The following USP39 variants were observed in gnomAD, a reference collection of about 807,000 sequenced individuals.
The protein encoded by USP39 is ubiquitin specific peptidase 39.
USP39 carries 38 observed loss-of-function variants against 66.4 expected under a neutral mutation model. The observed-to-expected ratio is 0.57, with a 90% confidence interval of 0.44 to 0.75. The LOEUF (loss-of-function observed/expected upper bound fraction) is 0.75. Ranked by LOEUF, USP39 falls within the 30% of genes least tolerant of loss-of-function variation. The probability of loss-of-function intolerance (pLI) is 0.00; values close to 1 mark genes in which losing one functional copy is unlikely to be tolerated. For missense variants in USP39, 608 were observed against 714.4 expected, an observed-to-expected ratio of 0.85 and a Z score of 1.70; for synonymous variants, 303 against 274.6, an observed-to-expected ratio of 1.10 and a Z score of -1.02.
intron 2 of USP39, among the ~76,000 whole-genome samples, chr2:85,620,223 G>A (rs911464145): frequency 6.6e-6 from 1 of 151,096 alleles, no homozygotes; most frequent in African/African-American, 2.4e-5. Context: ...GCTCATGCCT[G>A]TAATCCCAGC....
intron 8 of USP39, 123 bp downstream of exon 8, chr2:85,637,559 C>T: frequency 9.9e-7 from 1 of 1,009,528 alleles, no homozygotes; most frequent in African/African-American, 1.6e-5. Flanking sequence ...AACAAAGCAC[C>T]TGCCTAGTGG....
At chr2:85,647,845 T>G (rs780034484) in intron 11 of USP39, 85 bp from the exon 12 acceptor site, 46 of 1,267,820 alleles carry the variant, frequency 3.6e-5, no homozygotes, top group Middle Eastern at 1.9e-4. Context: ...TCTTCTAATT[T>G]TTCTAGTCTT....
chr2:85,642,729 A>G (rs901911750), intron 10 of USP39, among the ~76,000 whole-genome samples: 15 of 152,314 alleles, frequency 9.8e-5, no homozygotes, highest in Admixed American at 7.8e-4. Context: ...CATTGTCCAT[A>G]CTTCTTGAAA....
chr2:85,644,809 C>T, intron 10 of USP39, 139 bp from the exon 11 acceptor site: 2 of 1,125,380 alleles, frequency 1.8e-6, no homozygotes, highest in Non-Finnish European at 2.5e-6. Flanking sequence ...GCACCTGGAC[C>T]TTCTTGACTC....
chr2:85,605,162 T>C (rs546227652), intron 1 of USP39, among the ~76,000 whole-genome samples: 52 of 152,194 alleles, frequency 3.4e-4, no homozygotes, highest in African/African-American at 1.2e-3. Flanking sequence ...AGATTTCCAG[T>C]GCTGACTCGG....
intron 5 of USP39, 83 bp from the exon 6 acceptor site, chr2:85,630,638 A>G: frequency 1.5e-6 from 2 of 1,356,616 alleles, no homozygotes; most frequent in Non-Finnish European, 2.1e-6. Context: ...CACAAATTCT[A>G]TTAGGAGAAC....
intron 3 of USP39, 86 bp downstream of exon 3, chr2:85,621,665 T>C (rs1674473241): frequency 9.9e-7 from 1 of 1,014,966 alleles, no homozygotes; most frequent in South Asian, 1.4e-5. Context: ...TTCTCAGGAA[T>C]CATATCTAAT....
intron 1 of USP39, among the ~76,000 whole-genome samples, chr2:85,604,021 T>A (rs1007672018): frequency 6.6e-6 from 1 of 152,292 alleles, no homozygotes. Context: ...ATCACCTGAA[T>A]GGTGCACAGG....
chr2:85,643,630 A>G (rs2104353320), intron 10 of USP39, among the ~76,000 whole-genome samples: 1 of 148,362 alleles, frequency 6.7e-6, no homozygotes, highest in South Asian at 2.1e-4. Context: ...GCTCACATGG[A>G]CTCAGGACTC....
intron 4 of USP39, 36 bp from the exon 5 acceptor site, chr2:85,625,503 C>T (rs1239940456): frequency 6.2e-7 from 1 of 1,610,606 alleles, no homozygotes; most frequent in Admixed American, 1.7e-5. Context: ...GTGAACTCAG[C>T]TCTTAAACAA....
intron 10 of USP39, 21 bp downstream of exon 10, chr2:85,641,139 C>T: frequency 1.2e-6 from 2 of 1,611,394 alleles, no homozygotes; most frequent in African/African-American, 2.7e-5. Context: ...TCCTGCCTCA[C>T]TTCTCTCACG....
At chr2:85,641,926 A>AAAAAG (rs1676261306) in intron 10 of USP39, among the ~76,000 whole-genome samples, 1 of 112,328 alleles carries the variant, frequency 8.9e-6, no homozygotes, top group African/African-American at 3.1e-5. Flanking sequence ...AAAAAAAAAA[A>AAAAAG]AAAGAAAGAA....
At chr2:85,609,603 C>T (rs766644750), upstream of USP39, 7 of 1,613,602 alleles carry the variant, frequency 4.3e-6, no homozygotes, top group East Asian at 1.1e-4. Flanking sequence ...GGATGAACCA[C>T]AGTAAGAAAG....
chr2:85,645,043 A>G lies in USP39; in HGVS notation c.1523A>G (p.Lys508Arg), dbSNP rs1426823789. The G allele has an allele frequency of 5.0e-6, 8 of 1,614,054 alleles. No homozygotes were observed. Among genetic ancestry groups the G allele is most frequent in the African/African-American group, 1.3e-5 (1 of 74,918 alleles). Reference protein sequence around the residue: ...DLIANIVHDGKPSEGSYRIHV... With the variant: ...DLIANIVHDGRPSEGSYRIHV... ...ATTGCCAACATCGTGCATGACGGCA[A>G]GCCCTCCGAGGGCTCCTACCGGATC... Residue 508 changes from lysine to arginine, a missense_variant, in exon 11 of 13, where the codon AAG (lysine) becomes AGG (arginine). Lys to Arg is a conservative substitution (Grantham distance 26). Around this residue, in one of 6 missense-constraint regions of USP39, gnomAD observed 164 missense variants for 250.3 expected, o/e 0.66. Transcript: ENST00000323701.
upstream of USP39, chr2:85,612,035 C>T: frequency 1.5e-6 from 2 of 1,310,368 alleles, no homozygotes; most frequent in Non-Finnish European, 2.0e-6. Context: ...CCAACAACAG[C>T]CACCCGCCCA....
At chr2:85,615,455 G>A (rs1377135314), upstream of USP39, among the ~76,000 whole-genome samples, 1 of 152,130 alleles carries the variant, frequency 6.6e-6, no homozygotes, top group Non-Finnish European at 1.5e-5. Context: ...TGCCTTTACC[G>A]GGCATTTGCG....
chr2:85,638,062 A>G (rs1043082247), intron 8 of USP39, among the ~76,000 whole-genome samples: 2 of 144,826 alleles, frequency 1.4e-5, no homozygotes, highest in African/African-American at 5.2e-5. Context: ...GCTCTTGTTG[A>G]CCAGTCTGGA....
At chr2:85,647,841 A>G (rs944849390) in intron 11 of USP39, 89 bp from the exon 12 acceptor site, 5 of 1,221,744 alleles carry the variant, frequency 4.1e-6, no homozygotes, top group Middle Eastern at 1.9e-4. Context: ...CTGTTCTTCT[A>G]ATTTTTCTAG....
intron 1 of USP39, among the ~76,000 whole-genome samples, chr2:85,617,328 C>T (rs1411843708): frequency 1.3e-5 from 2 of 152,094 alleles, no homozygotes; most frequent in Non-Finnish European, 2.9e-5. Context: ...CAATAGGCAC[C>T]TCTACTAAAG....
Sources: allele counts gnomAD v4.1 joint callset (sites outside exome capture counted in the v4.1 genomes callset), GRCh38; gene constraint gnomAD v4.1.1; regional missense constraint gnomAD v4.1.1; transcripts MANE v1.5; gene names NCBI Gene and HGNC (gene_info 2026-07-23, HGNC 2026-07-21).